SYCP2L: variants seen among roughly 807,000 people sequenced by gnomAD.
The protein encoded by SYCP2L is synaptonemal complex protein 2 like, also known as synaptonemal complex protein 2-like.
In SYCP2L, 98 loss-of-function variants were observed where a neutral mutation model predicts 125.8. The observed-to-expected ratio is 0.78, with a 90% CI of 0.66 to 0.92. The LOEUF (loss-of-function observed/expected upper bound fraction) is 0.92, where lower values mean the gene tolerates loss of function less well. Ranked by LOEUF, SYCP2L falls within the 40% of genes least tolerant of loss-of-function variation. The pLI, the probability that SYCP2L is intolerant of heterozygous loss-of-function variation, is 0.00. For synonymous variants in SYCP2L, 317 were observed against 325.4 expected, an observed-to-expected ratio of 0.97 and a Z score of 0.28; for missense variants, 842 against 936.4, an observed-to-expected ratio of 0.90 and a Z score of 1.32.
At chr6:10,892,901 T>G (rs1214537286) in intron 2 of SYCP2L, among the ~76,000 whole-genome samples, 1 of 152,202 alleles carries the variant, frequency 6.6e-6, no homozygotes, top group African/African-American at 2.4e-5. Context: ...AGTAAATTGC[T>G]TCCTTATTAA....
chr6:10,955,060 A>G, intron 23 of SYCP2L, 56 bp from the exon 24 acceptor site: 1 of 1,336,996 alleles, frequency 7.5e-7, no homozygotes, highest in South Asian at 1.2e-5. Flanking sequence ...ATTAACTGCC[A>G]AAAAATGAAC....
At chr6:10,939,450 G>A (rs1039866750) in intron 21 of SYCP2L, among the ~76,000 whole-genome samples, 6 of 152,138 alleles carry the variant, frequency 3.9e-5, no homozygotes, top group African/African-American at 9.7e-5. Flanking sequence ...AAAGCTGGAG[G>A]CATCACACTT....
intron 14 of SYCP2L, among the ~76,000 whole-genome samples, chr6:10,923,380 C>CTTTTTTTTT (rs1226992236): frequency 1.1e-5 from 1 of 92,478 alleles, no homozygotes; most frequent in Non-Finnish European, 2.0e-5. Flanking sequence ...GAAACACACA[C>CTTTTTTTTT]TTTTTTTTTT....
rs1241485112 is a variant in SYCP2L, at chr6:10,904,854, G to A, written c.642-1166G>A. ...ATTTCAGGCATTAAAAGATCGACTC[G>A]GCCGGGCATGGTGGCTCACACCTGT... On this transcript the variant is annotated intron_variant, in intron 8 of 29. Transcript: ENST00000283141. Among the ~76,000 whole-genome samples, 5 of 151,912 alleles carry A rather than the reference G, an allele frequency of 3.3e-5. No homozygotes were observed. In the East Asian group the frequency reaches 5.8e-4, roughly 18 times the overall value.
chr6:10,894,239 G>T (rs1248712879), intron 4 of SYCP2L, 35 bp downstream of exon 4: 6 of 1,604,120 alleles, frequency 3.7e-6, no homozygotes, highest in Non-Finnish European at 5.1e-6. Context: ...ATGGCTTTGG[G>T]TAACTTAGAG....
At chr6:10,910,336 A>G (rs1308966981) in intron 11 of SYCP2L, 136 bp downstream of exon 11, 4 of 793,296 alleles carry the variant, frequency 5.0e-6, no homozygotes, top group Non-Finnish European at 5.9e-6. Flanking sequence ...TGAGTTGTCC[A>G]TTGAGTGGAA....
chr6:10,931,384 T>A, intron 19 of SYCP2L, 56 bp from the exon 20 acceptor site: 1 of 1,578,712 alleles, frequency 6.3e-7, no homozygotes, highest in Admixed American at 1.7e-5. Context: ...GAGTAGAGAA[T>A]TTTTATGCCT....
chr6:10,930,970 T>G (rs750037210), intron 19 of SYCP2L, among the ~76,000 whole-genome samples: 9 of 152,018 alleles, frequency 5.9e-5, no homozygotes. Flanking sequence ...CCCAGGAGTT[T>G]GAGACCAGCC....
chr6:10,952,953 T>C (rs1781437752), intron 23 of SYCP2L, among the ~76,000 whole-genome samples: 1 of 152,176 alleles, frequency 6.6e-6, no homozygotes, highest in African/African-American at 2.4e-5. Flanking sequence ...GATAAGAGTA[T>C]TTCTTAATGT....
rs1293763588 is a variant in SYCP2L, at chr6:10,953,382, G to T, written c.1955-1734G>T. Among the ~76,000 whole-genome samples, 5 of 151,876 alleles carry T rather than the reference G, an allele frequency of 3.3e-5. 1 individual carries two copies. In the Middle Eastern group the frequency reaches 9.6e-3, roughly 292 times the overall value. ...GTTTCTTTTCCTTACTTCCTGTTCT[G>T]CCCCTTCTGGAACTTTTTTTTTTCT... On this transcript the variant is annotated intron_variant, in intron 23 of 29. Transcript: ENST00000283141.
At chr6:10,921,069 C>G (rs963308531) in intron 14 of SYCP2L, among the ~76,000 whole-genome samples, 1 of 152,156 alleles carries the variant, frequency 6.6e-6, no homozygotes, top group Admixed American at 6.5e-5. Flanking sequence ...AGTATGTGTT[C>G]CCCGCAATGT....
At chr6:10,961,745 C>T (rs865879229) in intron 28 of SYCP2L, among the ~76,000 whole-genome samples, 187 bp downstream of exon 28, 2 of 152,044 alleles carry the variant, frequency 1.3e-5, no homozygotes, top group African/African-American at 4.8e-5. Context: ...ATTCGAGAGG[C>T]GTAAATCTTG....
chr6:10,919,460 C>A (rs1277683082), intron 14 of SYCP2L, among the ~76,000 whole-genome samples: 1 of 152,180 alleles, frequency 6.6e-6, no homozygotes, highest in Non-Finnish European at 1.5e-5. Flanking sequence ...GATACCAGCA[C>A]CTGTTCTGAT....
intron 15 of SYCP2L, among the ~76,000 whole-genome samples, chr6:10,925,509 A>G (rs937749874): frequency 2.0e-5 from 3 of 152,202 alleles, no homozygotes; most frequent in East Asian, 1.9e-4. Context: ...TGTATCACAG[A>G]TGGTAGACAG....
intron 14 of SYCP2L, among the ~76,000 whole-genome samples, chr6:10,915,800 T>C (rs1403414530): frequency 3.3e-5 from 5 of 152,176 alleles, no homozygotes; most frequent in African/African-American, 1.2e-4. Context: ...TAATGTCCCT[T>C]CCTGCTTTTG....
In SYCP2L at chr6:10,926,275, C is replaced by T. The variant is rs547951700; in HGVS notation, c.1219-64C>T. On this transcript the variant is annotated intron_variant, in intron 15 of 29. Transcript: ENST00000283141. The stretch of plus-strand genomic sequence containing the variant: ...TGTTTTGTTCTAAGCTTTACGTTTT[C>T]CTTAAATTTTTTTTTTTTTAAAGAT... 99 of 1,202,412 alleles carry T rather than the reference C, an allele frequency of 8.2e-5. No individual in the cohort carries two copies. The African/African-American group carries it at 1.3e-3, about 16-fold the overall frequency. 74.5% of individuals were successfully genotyped at this position (1,202,412 alleles called of 1,614,324 possible).
rs566259536 is a variant in SYCP2L at position 10,956,162 on chromosome 6, G to A, written c.2083G>A (p.Val695Ile). ...PEGISTSSLEVVPENLNGSAI... is the reference protein window; with the variant it reads ...PEGISTSSLEIVPENLNGSAI... ...AGGAATTTCCACTTCATCCCTAGAA[G>A]TTGTGCCAGAGAACTTGAACGGTTC... The change falls in exon 25 of 30, where the codon GTT (valine) becomes ATT (isoleucine). Residue 695 changes from valine (V) to isoleucine (I), a missense_variant. By Grantham distance (29) the Val-to-Ile change is conservative. Transcript: ENST00000283141. 1.9e-6 allele frequency: 3 copies of A among 1,613,832 alleles called. No homozygotes were observed. Among genetic ancestry groups the A allele is most frequent in the African/African-American group, 1.3e-5 (1 of 75,016 alleles).
In SYCP2L at chr6:10,897,982, T is replaced by C. The variant is rs760329474; in HGVS notation, c.337-29T>C. On this transcript the variant is annotated intron_variant, in intron 4 of 29. Coordinates refer to ENST00000283141, the MANE Select transcript of SYCP2L (RefSeq NM_001040274.3). ...ATTGAATAGGCAGCATTTAGTCTTATGTAGTTACGTTAGTGTCCTCCTGTG... is the reference window on the plus strand; with the variant it reads ...ATTGAATAGGCAGCATTTAGTCTTACGTAGTTACGTTAGTGTCCTCCTGTG... 47 of 1,420,006 alleles carry C rather than the reference T, an allele frequency of 3.3e-5. No homozygotes were observed. In the East Asian group the frequency reaches 6.4e-4, roughly 19 times the overall value. The allele number at this position is 1,420,006 out of a possible 1,614,324, so 88.0% of individuals were successfully genotyped here. A position where few individuals can be genotyped will look rare whatever the true frequency, so the allele number is the denominator to read the frequency against.
intron 1 of SYCP2L, among the ~76,000 whole-genome samples, chr6:10,890,472 C>T (rs368685687): frequency 2.0e-5 from 3 of 151,916 alleles, no homozygotes; most frequent in South Asian, 4.2e-4. Flanking sequence ...TTTTCATATA[C>T]CTGTTGGTCA....
Sources: gnomAD v4.1 joint callset for allele counts (sites outside exome capture counted in the v4.1 genomes callset) on GRCh38, gnomAD v4.1.1 for gene constraint, MANE v1.5 for transcripts, NCBI Gene and HGNC (gene_info 2026-07-23, HGNC 2026-07-21) for gene names.